Variants in DRC11 observed in about 807,000 individuals in gnomAD.
The protein encoded by DRC11 is IQ and AAA domain-containing protein 1.
At chr2:236,348,627 T>G in the DRC11 span, among the ~76,000 whole-genome samples, 1 of 152,122 alleles carries the variant, frequency 6.6e-6, no homozygotes, top group African/African-American at 2.4e-5. The surrounding 1 kb of genome is among the most constrained non-coding windows in gnomAD (Gnocchi z 7.4). Context: ...CTCACTGGGA[T>G]CACTAGGGGA....
At chr2:236,427,746 T>C in the DRC11 span, among the ~76,000 whole-genome samples, 1 of 152,204 alleles carries the variant, frequency 6.6e-6, no homozygotes, top group Non-Finnish European at 1.5e-5. The surrounding 1 kb of genome is among the most constrained non-coding windows in gnomAD (Gnocchi z 5.9). Context: ...TTTTTGTTCT[T>C]ATCTTTATTT....
At chr2:236,353,366 T>G in the DRC11 span, among the ~76,000 whole-genome samples, 1 of 152,224 alleles carries the variant, frequency 6.6e-6, no homozygotes, top group Non-Finnish European at 1.5e-5. This position sits in a 1 kb window ranked among gnomAD's most constrained non-coding sequence, Gnocchi z 5.0. Context: ...ACTAAAGACG[T>G]CTCTATCCAC....
chr2:236,377,197 G>A, the DRC11 span: 9 of 1,569,476 alleles, frequency 5.7e-6, no homozygotes, highest in East Asian at 1.3e-4. This position sits in a 1 kb window ranked among gnomAD's most constrained non-coding sequence, Gnocchi z 4.9. Context: ...TGGGGAGAAA[G>A]CAGAGTGTCT....
the DRC11 span, among the ~76,000 whole-genome samples, chr2:236,363,047 T>A: frequency 6.6e-6 from 1 of 152,162 alleles, no homozygotes; most frequent in African/African-American, 2.4e-5. This position sits in a 1 kb window ranked among gnomAD's most constrained non-coding sequence, Gnocchi z 5.6. Flanking sequence ...ACACCTAGCC[T>A]CCAATATGGG....
chr2:236,366,838 TTCTC>T, the DRC11 span, among the ~76,000 whole-genome samples: 1 of 121,718 alleles, frequency 8.2e-6, no homozygotes, highest in Non-Finnish European at 1.9e-5. Flanking sequence ...CTCTCTCTCT[TTCTC>T]TCTTTCTTTC....
the DRC11 span, among the ~76,000 whole-genome samples, chr2:236,357,483 TATATTATAAATACATATTTAC>T: frequency 2.4e-5 from 3 of 127,452 alleles, no homozygotes; most frequent in African/African-American, 3.1e-5. Flanking sequence ...TGTATATTTA[TATATTATAAATACATATTTAC>T]ATATTATAAA....
chr2:236,389,419 A>G, the DRC11 span, among the ~76,000 whole-genome samples: 8 of 152,006 alleles, frequency 5.3e-5, no homozygotes, highest in East Asian at 1.9e-4. Flanking sequence ...GGAGTGACCC[A>G]ATTTTCCAGG....
chr2:236,481,801 A>C, the DRC11 span, among the ~76,000 whole-genome samples: 67,095 of 151,118 alleles, frequency 0.44, 15,393 homozygotes, highest in African/African-American at 0.5. Flanking sequence ...TAGTTGAAGT[A>C]TTTACACTTT....
At chr2:236,357,571 T>C in the DRC11 span, among the ~76,000 whole-genome samples, 6 of 126,372 alleles carry the variant, frequency 4.7e-5, no homozygotes, top group East Asian at 1.2e-3. Context: ...CATATATGCA[T>C]AGTTATATAT....
At chr2:236,357,015 T>G in the DRC11 span, among the ~76,000 whole-genome samples, 7 of 130,878 alleles carry the variant, frequency 5.3e-5, no homozygotes, top group South Asian at 2.2e-4. Flanking sequence ...TATTCATATA[T>G]TATATATCTA....
At chr2:236,357,117 A>ATATTATATATTCGTATATTATATATC in the DRC11 span, among the ~76,000 whole-genome samples, 208 of 97,062 alleles carry the variant, frequency 2.1e-3, 22 homozygotes, top group Non-Finnish European at 3.9e-3. Flanking sequence ...ATATATCTAT[A>ATATTATATATTCGTATATTATATATC]TATTATATAT....
chr2:236,344,059 T>A, the DRC11 span, among the ~76,000 whole-genome samples: 1 of 139,108 alleles, frequency 7.2e-6, no homozygotes, highest in East Asian at 2.1e-4. Context: ...TGGTGATTTG[T>A]GGGGGGAAGT....
chr2:236,438,076 A>G, the DRC11 span, among the ~76,000 whole-genome samples: 4 of 139,830 alleles, frequency 2.9e-5, no homozygotes, highest in Non-Finnish European at 4.6e-5. Context: ...ATGGTTTTAG[A>G]TCTAACGTTT....
At chr2:236,374,486 T>A in the DRC11 span, among the ~76,000 whole-genome samples, 1 of 152,254 alleles carries the variant, frequency 6.6e-6, no homozygotes, top group South Asian at 2.1e-4. Flanking sequence ...AATTTATAAA[T>A]AAAAGAGGTT....
the DRC11 span, among the ~76,000 whole-genome samples, chr2:236,345,668 T>C: frequency 6.6e-6 from 1 of 152,180 alleles, no homozygotes; most frequent in African/African-American, 2.4e-5. Flanking sequence ...GGGATGGGAC[T>C]TACCCTGGGC....
the DRC11 span, chr2:236,368,037 G>A: frequency 1.5e-6 from 1 of 665,182 alleles, no homozygotes. Context: ...GTGCTGGTGG[G>A]TGCACTATCA....
At chr2:236,352,140 T>G in the DRC11 span, among the ~76,000 whole-genome samples, 1,096 of 151,540 alleles carry the variant, frequency 7.2e-3, 8 homozygotes, top group Non-Finnish European at 0.013. This position sits in a 1 kb window ranked among gnomAD's most constrained non-coding sequence, Gnocchi z 7.0. Context: ...CAGCCGTGGA[T>G]AGAAGGGATG....
At chr2:236,327,915 C>T in the DRC11 span, among the ~76,000 whole-genome samples, 1 of 152,354 alleles carries the variant, frequency 6.6e-6, no homozygotes, top group East Asian at 1.9e-4. Context: ...CTTCCGACCT[C>T]AGGTGATCTG....
chr2:236,334,783 A>T, the DRC11 span, among the ~76,000 whole-genome samples: 13 of 152,246 alleles, frequency 8.5e-5, 1 homozygote, highest in Admixed American at 7.8e-4. This position sits in a 1 kb window ranked among gnomAD's most constrained non-coding sequence, Gnocchi z 7.8. Flanking sequence ...CTGGAATTGC[A>T]GAAAAGTCTG....
Sources: gnomAD v4.1 joint callset for allele counts (sites outside exome capture counted in the v4.1 genomes callset) on GRCh38, gnomAD v4.1.1 for gene constraint, Gnocchi (gnomAD v3.1) non-coding constraint, MANE v1.5 for transcripts, NCBI Gene and HGNC (gene_info 2026-07-23, HGNC 2026-07-21) for gene names.